MTUS2: variants seen among roughly 807,000 people sequenced by gnomAD.
The protein encoded by MTUS2 is microtubule-associated tumor suppressor candidate 2.
A neutral mutation model predicts 114.1 loss-of-function variants in MTUS2; 40 were observed. The ratio of observed to expected loss-of-function variants is 0.35; its 90% CI spans 0.27 to 0.46. The LOEUF is 0.46. MTUS2 is among the 20% of genes least tolerant of loss of function. The probability of loss-of-function intolerance (pLI) is 1.00; values close to 1 mark genes in which losing one functional copy is unlikely to be tolerated. For synonymous variants in MTUS2, 688 were observed against 672.0 expected, an observed-to-expected ratio of 1.02 and a Z score of -0.37; for missense variants, 1,679 against 1,705.4, an observed-to-expected ratio of 0.98 and a Z score of 0.27.
At chr13:29,366,910 T>G (rs2388090) in intron 8 of MTUS2, among the ~76,000 whole-genome samples, 113,247 of 151,754 alleles carry the variant, frequency 0.75, 42,426 homozygotes, top group East Asian at 0.83. Flanking sequence ...GCACCTCATC[T>G]CCTGTAGCAG....
chr13:29,018,352 A>T (rs1350379221), intron 2 of MTUS2, among the ~76,000 whole-genome samples: 8 of 152,216 alleles, frequency 5.3e-5, no homozygotes, highest in African/African-American at 1.9e-4. Flanking sequence ...GTTTCCCTTC[A>T]TTCAGGAATG....
intron 6 of MTUS2, among the ~76,000 whole-genome samples, chr13:29,298,407 T>C (rs544107195): frequency 1.3e-5 from 2 of 152,244 alleles, no homozygotes; most frequent in East Asian, 3.9e-4. Context: ...AAATAAATTG[T>C]TATTGATTTC....
At chr13:29,092,934 A>T (rs921407654) in intron 4 of MTUS2, among the ~76,000 whole-genome samples, 1 of 152,142 alleles carries the variant, frequency 6.6e-6, no homozygotes, top group Admixed American at 6.5e-5. Context: ...TATTATCATT[A>T]TGGAGTGGGG....
intron 2 of MTUS2, among the ~76,000 whole-genome samples, chr13:28,964,011 T>G (rs1359817017): frequency 1.3e-5 from 2 of 152,146 alleles, no homozygotes; most frequent in Non-Finnish European, 2.9e-5. Flanking sequence ...CCATAAGTCT[T>G]CCCCAGGCCC....
At chr13:29,323,542 G>A (rs113601065) in intron 6 of MTUS2, among the ~76,000 whole-genome samples, 4,087 of 152,238 alleles carry the variant, frequency 0.027, 131 homozygotes, top group African/African-American at 0.083. Flanking sequence ...GAGCCACCAC[G>A]CCCAGCCTGA....
intron 2 of MTUS2, among the ~76,000 whole-genome samples, chr13:28,951,821 G>C (rs1021762571): frequency 6.6e-6 from 1 of 151,920 alleles, no homozygotes; most frequent in Admixed American, 6.6e-5. Context: ...AAAATTTAAA[G>C]TCTTGCATTT....
intron 2 of MTUS2, among the ~76,000 whole-genome samples, chr13:28,975,461 T>C (rs1349541732): frequency 6.9e-6 from 1 of 145,696 alleles, no homozygotes; most frequent in Non-Finnish European, 1.5e-5. Context: ...GTTTCCAATC[T>C]CGCCTGCGGC....
chr13:29,097,719 G>A (rs1049253143), intron 4 of MTUS2, among the ~76,000 whole-genome samples: 1 of 152,112 alleles, frequency 6.6e-6, no homozygotes, highest in Non-Finnish European at 1.5e-5. Context: ...AACAGAGGGA[G>A]CTCTGTTTCC....
At chr13:29,230,792 A>G (rs1173531270) in intron 5 of MTUS2, among the ~76,000 whole-genome samples, 1 of 152,166 alleles carries the variant, frequency 6.6e-6, no homozygotes, top group Non-Finnish European at 1.5e-5. Context: ...AATGAGATGC[A>G]TTGTTCATGC....
At chr13:29,382,390 T>G (rs11843786) in intron 8 of MTUS2, among the ~76,000 whole-genome samples, 6 of 151,880 alleles carry the variant, frequency 4.0e-5, no homozygotes, top group African/African-American at 1.2e-4. Context: ...TGGACCAGCA[T>G]GGTGGAGATG....
intron 1 of MTUS2, among the ~76,000 whole-genome samples, chr13:28,823,948 A>T (rs909588736): frequency 6.6e-6 from 1 of 152,196 alleles, no homozygotes; most frequent in Admixed American, 6.5e-5. Flanking sequence ...TACTGTCGCG[A>T]GAACAACATG....
intron 2 of MTUS2, among the ~76,000 whole-genome samples, chr13:28,889,307 TA>T (rs1878780340): frequency 6.6e-6 from 1 of 152,364 alleles, no homozygotes; most frequent in South Asian, 2.1e-4. Flanking sequence ...TGAATTAAGA[TA>T]AGCATTGCCT....
intron 5 of MTUS2, among the ~76,000 whole-genome samples, chr13:29,235,919 T>G (rs1369052321): frequency 6.6e-6 from 1 of 152,186 alleles, no homozygotes; most frequent in Non-Finnish European, 1.5e-5. Context: ...TTCCAATTAA[T>G]ATATACAACA....
At chr13:28,894,312 GGGA>G (rs1879125297) in intron 2 of MTUS2, among the ~76,000 whole-genome samples, 1 of 31,832 alleles carries the variant, frequency 3.1e-5, no homozygotes, top group African/African-American at 1.6e-4. Flanking sequence ...GAGGGGGGGG[GGGA>G]GGGAGGGAGG....
intron 6 of MTUS2, among the ~76,000 whole-genome samples, chr13:29,295,858 A>G (rs1218420060): frequency 1.3e-5 from 2 of 152,184 alleles, no homozygotes; most frequent in Admixed American, 6.5e-5. Flanking sequence ...TAAAACCATC[A>G]GATCTCATGA....
Position 28,926,580 on chromosome 13 carries a change from A to G in MTUS2, c.-243+86730A>G, listed in dbSNP as rs73437295. Among the ~76,000 whole-genome samples, 1,133 of 152,078 alleles carry G rather than the reference A, an allele frequency of 7.5e-3. 18 individuals carry two copies. The highest frequency in any genetic ancestry group is 0.025 in the African/African-American group (1,057 of 41,524). ...TAATCACATAAACTCAGTCATGGGT[A>G]CTGCAGGAGAAAGAGGCCAGCCATT... On this transcript the variant is annotated intron_variant, in intron 2 of 15. Coordinates refer to ENST00000612955, the MANE Select transcript of MTUS2 (RefSeq NM_001033602.4).
At chr13:29,338,117 C>T (rs1245259016) in intron 7 of MTUS2, among the ~76,000 whole-genome samples, 2 of 151,886 alleles carry the variant, frequency 1.3e-5, no homozygotes, top group Non-Finnish European at 2.9e-5. Context: ...TGCCAGCCAC[C>T]CTACCTTTTC....
chr13:29,191,771 C>T (rs1004885201), intron 5 of MTUS2, among the ~76,000 whole-genome samples: 37 of 152,226 alleles, frequency 2.4e-4, no homozygotes, highest in South Asian at 4.2e-4. Context: ...GGCATATTTC[C>T]CCTGAGTGTC....
At chr13:28,898,550 T>G (rs1235814335) in intron 2 of MTUS2, among the ~76,000 whole-genome samples, 3 of 152,222 alleles carry the variant, frequency 2.0e-5, no homozygotes, top group Non-Finnish European at 2.9e-5. Context: ...GTATCCCTGC[T>G]GATTGTGAAC....
Sources: allele counts gnomAD v4.1 joint callset (sites outside exome capture counted in the v4.1 genomes callset), GRCh38; gene constraint gnomAD v4.1.1; transcripts MANE v1.5; gene names NCBI Gene and HGNC (gene_info 2026-07-23, HGNC 2026-07-21).